METTL25: variants seen among roughly 807,000 people sequenced by gnomAD.
METTL25 encodes methyltransferase like 25.
METTL25 carries 64 observed loss-of-function variants against 71.6 expected under a neutral mutation model. That is an observed-to-expected ratio of 0.89 (90% confidence interval 0.73 to 1.10). The LOEUF (loss-of-function observed/expected upper bound fraction) is 1.10. METTL25 is among the 50% of genes least tolerant of loss of function. The pLI is 0.00. For missense variants in METTL25, 807 were observed against 707.0 expected (o/e 1.14, Z -1.60); for synonymous variants, 287 against 250.3 (o/e 1.15, Z -1.38).
At chr12:82,390,294 T>A (rs1387020383) in intron 3 of METTL25, among the ~76,000 whole-genome samples, 2 of 152,068 alleles carry the variant, frequency 1.3e-5, no homozygotes, top group East Asian at 3.9e-4. Context: ...GGATATGGGT[T>A]ACCAAGCTGT....
chr12:82,365,801 G>A (rs1033773487), intron 1 of METTL25, among the ~76,000 whole-genome samples: 2 of 143,758 alleles, frequency 1.4e-5, no homozygotes, highest in Non-Finnish European at 3.2e-5. Context: ...ATCTGGCCTC[G>A]GCCGGGCGCG....
intron 5 of METTL25, 145 bp downstream of exon 5, chr12:82,403,275 A>G: frequency 2.7e-6 from 2 of 729,386 alleles, no homozygotes; most frequent in East Asian, 5.6e-5. Context: ...TTGCACTTTT[A>G]GTGTTACGGT....
intron 1 of METTL25, among the ~76,000 whole-genome samples, chr12:82,377,026 T>G (rs537891784): frequency 2.6e-4 from 39 of 151,912 alleles, no homozygotes; most frequent in African/African-American, 9.2e-4. Context: ...GTCAGGAGAC[T>G]CTCTTGAACC....
chr12:82,447,261 T>C (rs1890825281), intron 8 of METTL25, among the ~76,000 whole-genome samples: 1 of 152,102 alleles, frequency 6.6e-6, no homozygotes, highest in African/African-American at 2.4e-5. Context: ...TTAGACAAAG[T>C]CTTACATGTT....
rs753187918 is a variant in METTL25 at position 82,399,259 on chromosome 12, C to T, written c.996C>T (p.Pro332=). 3 of 1,613,642 alleles carry T rather than the reference C, an allele frequency of 1.9e-6. No homozygotes were observed. The South Asian group carries it at 3.3e-5, about 18-fold the overall frequency. Residue 332 remains proline (P), a synonymous_variant, in exon 4 of 12, where the codon CCC becomes CCT. Transcript: ENST00000248306. ...AGCCTACTTCTTCACAGCAAATACC[C>T]AACAGAGAAACATCTGAAGCCAATA... ...AVEPTSSQQI[P]NRETSEANKE...
intron 9 of METTL25, among the ~76,000 whole-genome samples, chr12:82,462,079 G>A (rs1891916283): frequency 6.6e-6 from 1 of 152,148 alleles, no homozygotes; most frequent in African/African-American, 2.4e-5. Context: ...TGGAGCAATG[G>A]CATTCATAAC....
intron 5 of METTL25, among the ~76,000 whole-genome samples, chr12:82,410,833 T>TG (rs1441727772): frequency 6.6e-6 from 1 of 152,058 alleles, no homozygotes; most frequent in African/African-American, 2.4e-5. Context: ...GATCCTGAAA[T>TG]GTCCATACTA....
chr12:82,421,052 G>A (rs923300092), intron 5 of METTL25, among the ~76,000 whole-genome samples: 3 of 152,086 alleles, frequency 2.0e-5, no homozygotes, highest in African/African-American at 7.2e-5. Context: ...AGTACAGACG[G>A]GGTTTCGCCA....
intron 1 of METTL25, among the ~76,000 whole-genome samples, chr12:82,360,815 G>T (rs1440234023): frequency 6.6e-6 from 1 of 152,202 alleles, no homozygotes; most frequent in Admixed American, 6.5e-5. Context: ...GACCCTCTCA[G>T]TGAGTATTAT....
At chr12:82,440,860 G>A (rs1459361397) in intron 8 of METTL25, among the ~76,000 whole-genome samples, 1 of 152,000 alleles carries the variant, frequency 6.6e-6, no homozygotes, top group African/African-American at 2.4e-5. Flanking sequence ...AAGTAGGTAA[G>A]AATTATGGGA....
intron 1 of METTL25, among the ~76,000 whole-genome samples, chr12:82,382,012 G>T (rs1884488451): frequency 6.6e-6 from 1 of 152,214 alleles, no homozygotes. Flanking sequence ...TTAGCATGTG[G>T]ATTGATGGCA....
intron 3 of METTL25, among the ~76,000 whole-genome samples, chr12:82,391,075 C>T (rs1885529842): frequency 6.6e-6 from 1 of 152,050 alleles, no homozygotes; most frequent in Admixed American, 6.6e-5. Context: ...ACAGAAAATT[C>T]AGATAACTGG....
At chr12:82,370,997 ACTC>A (rs904427910) in intron 1 of METTL25, among the ~76,000 whole-genome samples, 2 of 152,086 alleles carry the variant, frequency 1.3e-5, no homozygotes, top group Non-Finnish European at 2.9e-5. Context: ...GAGGTTAGGA[ACTC>A]CCTTTCTTTC....
At chr12:82,472,839 T>A (rs1197540099) in intron 9 of METTL25, among the ~76,000 whole-genome samples, 2 of 152,208 alleles carry the variant, frequency 1.3e-5, no homozygotes, top group African/African-American at 4.8e-5. Flanking sequence ...GTTCCACTAC[T>A]AGAGGATTAC....
intron 8 of METTL25, among the ~76,000 whole-genome samples, chr12:82,445,932 A>G (rs1244161442): frequency 6.6e-6 from 1 of 152,214 alleles, no homozygotes; most frequent in Non-Finnish European, 1.5e-5. Context: ...GGTCAAAAGT[A>G]CACTAGTAGT....
chr12:82,478,760 CT>C (rs1373174758), intron 11 of METTL25, among the ~76,000 whole-genome samples, 171 bp from the exon 12 acceptor site: 2 of 151,848 alleles, frequency 1.3e-5, no homozygotes, highest in Non-Finnish European at 2.9e-5. Flanking sequence ...TCAGCATAAA[CT>C]TTTTTGAAGG....
At chr12:82,359,247 G>C (rs766270636) in intron 1 of METTL25, among the ~76,000 whole-genome samples, 1 of 152,212 alleles carries the variant, frequency 6.6e-6, no homozygotes, top group Non-Finnish European at 1.5e-5. Flanking sequence ...ATGTGGTAGG[G>C]ATTGTGTAAG....
chr12:82,430,872 G>T (rs931891244), intron 5 of METTL25, 21 bp from the exon 6 acceptor site: 2 of 1,257,598 alleles, frequency 1.6e-6, no homozygotes, highest in Non-Finnish European at 2.3e-6. Context: ...TAAATAATCC[G>T]TATTTTTCCC....
chr12:82,454,541 G>GA (rs2137247643), intron 8 of METTL25, among the ~76,000 whole-genome samples: 1 of 151,858 alleles, frequency 6.6e-6, no homozygotes, highest in East Asian at 1.9e-4. Flanking sequence ...AGGACTTAAA[G>GA]AAAAAGTCTT....
Sources: allele counts gnomAD v4.1 joint callset (sites outside exome capture counted in the v4.1 genomes callset), GRCh38; gene constraint gnomAD v4.1.1; transcripts MANE v1.5; gene names NCBI Gene and HGNC (gene_info 2026-07-23, HGNC 2026-07-21).